The following RPS6KA2 variants were observed in gnomAD, a reference collection of about 807,000 sequenced individuals.
RPS6KA2 encodes ribosomal protein S6 kinase A2.
In RPS6KA2, 42 loss-of-function variants were observed where a neutral mutation model predicts 91.8. The ratio of observed to expected loss-of-function variants is 0.46; its 90% CI spans 0.36 to 0.59. RPS6KA2 has a LOEUF of 0.59. Ranked by LOEUF, RPS6KA2 falls within the 20% of genes least tolerant of loss-of-function variation. RPS6KA2 has a pLI of 0.00. For synonymous variants in RPS6KA2, 414 were observed against 393.6 expected (o/e 1.05, Z -0.61); for missense variants, 798 against 978.5 (o/e 0.82, Z 2.46).
chr6:166,797,747 C>T (rs943976350), intron 2 of RPS6KA2, among the ~76,000 whole-genome samples: 4 of 151,758 alleles, frequency 2.6e-5, no homozygotes, highest in Non-Finnish European at 4.4e-5. Context: ...GCAGTTCAAA[C>T]CTGTGTTGTT....
chr6:166,530,729 C>CGA (rs1783242926), intron 3 of RPS6KA2, among the ~76,000 whole-genome samples: 1 of 152,234 alleles, frequency 6.6e-6, no homozygotes, highest in Non-Finnish European at 1.5e-5. Flanking sequence ...CATTCTGACT[C>CGA]TAACGCTGCA....
chr6:166,429,485 C>G (rs998789998), intron 16 of RPS6KA2, among the ~76,000 whole-genome samples: 2 of 152,172 alleles, frequency 1.3e-5, no homozygotes, highest in Non-Finnish European at 2.9e-5. Flanking sequence ...GAGTTTTGCT[C>G]TGTCGCCCAC....
At chr6:166,549,087 T>C (rs1352873561) in intron 1 of RPS6KA2, among the ~76,000 whole-genome samples, 3 of 152,200 alleles carry the variant, frequency 2.0e-5, no homozygotes, top group Non-Finnish European at 4.4e-5. Context: ...CTCAATATCA[T>C]TAGTCATCAG....
chr6:166,459,680 A>T lies in RPS6KA2; in HGVS notation c.973-129T>A. 3.2e-6 allele frequency: 2 copies of T among 618,990 alleles called. No homozygotes were observed. Among genetic ancestry groups the T allele is most frequent in the Middle Eastern group, 5.7e-4 (2 of 3,516 alleles). 38.3% of individuals were successfully genotyped at this position (618,990 alleles called of 1,614,324 possible). On this transcript the variant is annotated intron_variant, in intron 11 of 20. Coordinates refer to ENST00000265678, the MANE Select transcript of RPS6KA2 (RefSeq NM_021135.6). The surrounding 1 kb of genome is among the most constrained non-coding windows in gnomAD (Gnocchi z 4.9). ...ATCACAGACTGCATTGGCCTTGTGG[A>T]TTACAAGGGATTTCTAAATACTCTG...
intron 8 of RPS6KA2, among the ~76,000 whole-genome samples, chr6:166,492,695 T>C (rs1277170500): frequency 1.3e-5 from 2 of 151,276 alleles, no homozygotes; most frequent in South Asian, 2.1e-4. Context: ...TTGCATACAT[T>C]TGTTTGGTGA....
chr6:166,520,428 G>A (rs1021867807), intron 3 of RPS6KA2, among the ~76,000 whole-genome samples: 1 of 152,176 alleles, frequency 6.6e-6, no homozygotes, highest in Non-Finnish European at 1.5e-5. Flanking sequence ...AGCCTTCCTG[G>A]TTCTCCAGCT....
intron 15 of RPS6KA2, among the ~76,000 whole-genome samples, chr6:166,432,022 TGTGACTCTAG>T (rs1338066464): frequency 6.6e-6 from 1 of 152,226 alleles, no homozygotes; most frequent in Non-Finnish European, 1.5e-5. Flanking sequence ...CCCAATATCC[TGTGACTCTAG>T]GTTCATAATG....
intron 1 of RPS6KA2, among the ~76,000 whole-genome samples, chr6:166,605,528 T>C (rs1009476789): frequency 2.0e-5 from 3 of 152,240 alleles, no homozygotes; most frequent in African/African-American, 7.2e-5. Flanking sequence ...AATATCATGC[T>C]TCCTATCTAG....
chr6:166,756,045 T>C (rs918208922), intron 2 of RPS6KA2, among the ~76,000 whole-genome samples: 4 of 152,194 alleles, frequency 2.6e-5, no homozygotes, highest in Admixed American at 2.6e-4. Flanking sequence ...CTTAAAATTA[T>C]ATTCTGTGGC....
At chr6:166,547,000 G>A (rs906007931) in intron 1 of RPS6KA2, among the ~76,000 whole-genome samples, 2 of 152,156 alleles carry the variant, frequency 1.3e-5, no homozygotes, top group Non-Finnish European at 2.9e-5. Flanking sequence ...CCAGACTGGA[G>A]TGCAGTGGCA....
At chr6:166,505,442 C>A (rs1384380691) in intron 5 of RPS6KA2, among the ~76,000 whole-genome samples, 2 of 152,210 alleles carry the variant, frequency 1.3e-5, no homozygotes, top group East Asian at 1.9e-4. Context: ...ATTTTGTAGA[C>A]CCCCTTAAGA....
rs149445667 is a variant in RPS6KA2 at position 166,459,462 on chromosome 6, C to T, written c.1062G>A (p.Ala354=). The part of the protein sequence containing the change: ...DTFHFDPEFT[A]RTPTDSPGVP... ...TGTGGCACACACCTGTGGGCGTCCG[C>T]GCTGTGAACTCGGGGTCAAAGTGGA... The change falls in exon 12 of 21, where the codon GCG becomes GCA. Residue 354 remains alanine (A), a synonymous_variant. Transcript: ENST00000265678. The surrounding 1 kb of genome is among the most constrained non-coding windows in gnomAD (Gnocchi z 4.9). 3.2e-5 allele frequency: 51 copies of T among 1,613,518 alleles called. No homozygotes were observed. The highest frequency in any genetic ancestry group is 4.1e-5 in the Non-Finnish European group (48 of 1,179,500).
intron 1 of RPS6KA2, among the ~76,000 whole-genome samples, chr6:166,579,657 G>A (rs1455339515): frequency 6.6e-6 from 1 of 152,224 alleles, no homozygotes; most frequent in Admixed American, 6.5e-5. Context: ...CATGTGTCAT[G>A]TTACAAGAAG....
chr6:166,737,756 C>A lies in RPS6KA2; in HGVS notation c.123+120444G>T, dbSNP rs560640182. On this transcript the variant is annotated intron_variant, in intron 2 of 21. Coordinates refer to the RPS6KA2 transcript ENST00000503859. This position sits in a 1 kb window ranked among gnomAD's most constrained non-coding sequence, Gnocchi z 4.3. ...TGACGGTTCTGAACTTGACAAATGC[C>A]GTACCCAAAATAGTATATTCCCTGT... Among the ~76,000 whole-genome samples, 1 of 152,096 alleles carries A rather than the reference C, an allele frequency of 6.6e-6. No individual in the cohort carries two copies. Among genetic ancestry groups the A allele is most frequent in the East Asian group, 1.9e-4 (1 of 5,190 alleles).
At chr6:166,691,468 T>C (rs1789205330) in intron 2 of RPS6KA2, among the ~76,000 whole-genome samples, 1 of 152,114 alleles carries the variant, frequency 6.6e-6, no homozygotes, top group Non-Finnish European at 1.5e-5. Context: ...AAGCTCTCTG[T>C]TCCCCTGCTC....
intron 1 of RPS6KA2, among the ~76,000 whole-genome samples, chr6:166,566,678 A>G (rs542288706): frequency 1.3e-5 from 2 of 152,222 alleles, no homozygotes; most frequent in Middle Eastern, 3.4e-3. Context: ...AATCTCCCCA[A>G]GCCTCTTAAG....
chr6:166,840,157 T>C (rs959679616), intron 2 of RPS6KA2, among the ~76,000 whole-genome samples: 2 of 152,166 alleles, frequency 1.3e-5, no homozygotes, highest in African/African-American at 4.8e-5. Flanking sequence ...CCAGCTGCTG[T>C]GTGCCTGTGG....
intron 3 of RPS6KA2, among the ~76,000 whole-genome samples, chr6:166,520,138 T>C (rs1487242500): frequency 6.6e-6 from 1 of 152,202 alleles, no homozygotes; most frequent in African/African-American, 2.4e-5. Context: ...TGCCTGGTTC[T>C]TGGACTGAGA....
chr6:166,492,680 G>A (rs1364552187), intron 8 of RPS6KA2, among the ~76,000 whole-genome samples: 2 of 151,516 alleles, frequency 1.3e-5, no homozygotes, highest in African/African-American at 2.4e-5. Context: ...TGATGGACTG[G>A]TATCTTGCAT....
Sources: gnomAD v4.1 joint callset for allele counts (sites outside exome capture counted in the v4.1 genomes callset) on GRCh38, gnomAD v4.1.1 for gene constraint, Gnocchi (gnomAD v3.1) non-coding constraint, MANE v1.5 for transcripts, NCBI Gene and HGNC (gene_info 2026-07-23, HGNC 2026-07-21) for gene names.